RC3H1: variants seen among roughly 807,000 people sequenced by gnomAD.
RC3H1 encodes the protein ring finger and CCCH-type domains 1, also known as roquin-1.
A neutral mutation model predicts 138.2 loss-of-function variants in RC3H1; 50 were observed. The observed-to-expected ratio is 0.36, with a 90% CI of 0.29 to 0.46. The LOEUF is 0.46. Among genes scored for constraint, RC3H1 ranks in the 20% least tolerant of loss-of-function variants. The pLI is 1.00. For synonymous variants in RC3H1, 462 were observed against 489.1 expected, an observed-to-expected ratio of 0.94 and a Z score of 0.73; for missense variants, 1,031 against 1,388.1, an observed-to-expected ratio of 0.74 and a Z score of 4.09.
chr1:173,998,959 T>C (rs187001719), intron 1 of RC3H1, among the ~76,000 whole-genome samples: 1 of 151,862 alleles, frequency 6.6e-6, no homozygotes, highest in Non-Finnish European at 1.5e-5. Context: ...CAGAGTGTGG[T>C]GGCACGTACT....
chr1:173,946,560 T>C lies in RC3H1; in HGVS notation c.2877A>G (p.Pro959=). 6.2e-7 allele frequency: 1 copy of C among 1,614,122 alleles called. No individual in the cohort carries two copies. The highest frequency in any genetic ancestry group is 8.5e-7 in the Non-Finnish European group (1 of 1,179,968). ...GTCGTAGCTGTTCTCTCTCAGCAGA[T>C]GGAAGGGGTTTTCCATGACTGGCCA... The part of the protein sequence containing the change: ...SEVASHGKPL[P]SAEREQLRLE... Residue 959 remains proline (P), a synonymous_variant, in exon 17 of 20, where the codon CCA becomes CCG. Transcript: ENST00000367696.
chr1:174,016,536 G>T (rs886914899), intron 1 of RC3H1, among the ~76,000 whole-genome samples: 1 of 148,844 alleles, frequency 6.7e-6, no homozygotes, highest in Non-Finnish European at 1.5e-5. Flanking sequence ...TAGGATTACA[G>T]GCTTGAGCCA....
intron 13 of RC3H1, among the ~76,000 whole-genome samples, chr1:173,954,942 T>G (rs1409304313): frequency 6.6e-6 from 1 of 152,080 alleles, no homozygotes; most frequent in South Asian, 2.1e-4. Flanking sequence ...AACCACAATC[T>G]TAGGCTGGGT....
chr1:173,980,724 AG>A (rs1660778887), intron 6 of RC3H1, 84 bp downstream of exon 6: 1 of 935,206 alleles, frequency 1.1e-6, no homozygotes, highest in Non-Finnish European at 1.6e-6. Flanking sequence ...AAAGCTATAC[AG>A]TATTCACTTT....
intron 1 of RC3H1, among the ~76,000 whole-genome samples, chr1:173,999,943 G>T (rs1358339635): frequency 6.6e-6 from 1 of 152,164 alleles, no homozygotes; most frequent in Non-Finnish European, 1.5e-5. Flanking sequence ...AAACTCCCAG[G>T]CTGGTACTTT....
In RC3H1 at chr1:173,952,003, C is replaced by T; in HGVS notation, c.2506G>A (p.Gly836Arg). The T allele has an allele frequency of 6.2e-7, 1 of 1,608,730 alleles. No individual in the cohort carries two copies. Among genetic ancestry groups the T allele is most frequent in the East Asian group, 2.2e-5 (1 of 44,764 alleles). The stretch of plus-strand genomic sequence containing the variant: ...ACACATACCATCATTTCCACACTCC[C>T]TGCTGCCACAACATCTTTGGGTTTT... ...DAKPKDVVAA[G>R]SVEMMNVESK... Residue 836 changes from glycine to arginine, a missense_variant, in exon 14 of 20, where the codon GGG becomes AGG. Gly to Arg is a moderately radical substitution (Grantham distance 125, BLOSUM62 -2). Coordinates refer to ENST00000367696, the MANE Select transcript of RC3H1 (RefSeq NM_172071.4).
intron 2 of RC3H1, among the ~76,000 whole-genome samples, chr1:173,988,285 T>C (rs918251744): frequency 6.6e-6 from 1 of 152,260 alleles, no homozygotes; most frequent in Non-Finnish European, 1.5e-5. Context: ...ATTGTTGCTA[T>C]GGTTTTACCT....
chr1:173,932,794 A>G lies in RC3H1; in HGVS notation c.*5927T>C, dbSNP rs1227275200. On this transcript the variant is annotated 3_prime_UTR_variant, in exon 20 of 20. Coordinates refer to ENST00000367696, the MANE Select transcript of RC3H1 (RefSeq NM_172071.4). ...GATTACACAAATAAATGGTGATTAA[A>G]AAAAGGCAAATAATAATAATAATAA... is the stretch of plus-strand genomic sequence containing the variant. 3 of 152,094 alleles carry G rather than the reference A, an allele frequency of 2.0e-5. No individual in the cohort carries two copies. Among genetic ancestry groups the G allele is most frequent in the Non-Finnish European group, 4.4e-5 (3 of 67,974 alleles). The allele number at this position is 152,094 out of a possible 1,614,324, so 9.4% of individuals were successfully genotyped here. A position where few individuals can be genotyped will look rare whatever the true frequency, so the allele number is the denominator to read the frequency against.
chr1:173,931,916 T>C lies in RC3H1; in HGVS notation c.*6805A>G, dbSNP rs1448982139. On this transcript the variant is annotated 3_prime_UTR_variant, in exon 20 of 20. Coordinates refer to ENST00000367696, the MANE Select transcript of RC3H1 (RefSeq NM_172071.4). ...CACTTTAAGGCTCAATTTTTTTTTTTCCTGAACAGGGGGGTGGAGGCAGGC... is the reference window on the plus strand; with the variant it reads ...CACTTTAAGGCTCAATTTTTTTTTTCCCTGAACAGGGGGGTGGAGGCAGGC... The C allele has an allele frequency of 1.3e-5, 2 of 152,030 alleles. No individual in the cohort carries two copies. Among genetic ancestry groups the C allele is most frequent in the African/African-American group, 2.4e-5 (1 of 41,406 alleles). 9.4% of individuals were successfully genotyped at this position (152,030 alleles called of 1,614,324 possible).
At chr1:173,947,310 G>T in intron 15 of RC3H1, 59 bp downstream of exon 15, 1 of 1,131,764 alleles carries the variant, frequency 8.8e-7, no homozygotes. Context: ...GAGAGCAGGG[G>T]TAATGCTGAA....
chr1:173,964,269 A>G (rs1660005261), intron 10 of RC3H1, 82 bp from the exon 11 acceptor site: 1 of 1,191,036 alleles, frequency 8.4e-7, no homozygotes, highest in East Asian at 2.5e-5. Context: ...GATTGCTACA[A>G]TTTGGGAAAC....
In RC3H1 at chr1:173,996,695, TA is replaced by T. The variant is rs1267084032; in HGVS notation, c.-150-3561del. Among the ~76,000 whole-genome samples the T allele has an allele frequency of 2.0e-5, 3 of 152,212 alleles. No individual in the cohort carries two copies. The East Asian group carries it at 5.8e-4, about 29-fold the overall frequency. ...CCTACGTCCGGGCATAAAGACTCAC[TA>T]TATGTGCACCACTGGGACCCCTCCT... On this transcript the variant is annotated intron_variant, in intron 1 of 19. Transcript: ENST00000367696.
At chr1:173,939,985 T>C (rs568914131) in intron 19 of RC3H1, among the ~76,000 whole-genome samples, 3 of 152,210 alleles carry the variant, frequency 2.0e-5, no homozygotes, top group South Asian at 4.1e-4. Context: ...CCTTAGAAAA[T>C]AATTTAAGAT....
At chr1:173,964,816 T>C in intron 10 of RC3H1, 23 bp downstream of exon 10, 1 of 1,577,616 alleles carries the variant, frequency 6.3e-7, no homozygotes, top group Non-Finnish European at 8.6e-7. Context: ...AATTTTGAAA[T>C]AAGAGTTAGA....
intron 1 of RC3H1, among the ~76,000 whole-genome samples, chr1:173,995,661 G>T (rs1181808092): frequency 6.6e-6 from 1 of 152,138 alleles, no homozygotes; most frequent in African/African-American, 2.4e-5. Flanking sequence ...GGGGCAGGAG[G>T]TGACTCACTT....
In RC3H1 at chr1:173,993,412, CTTTTT is replaced by C. The variant is rs35670849; in HGVS notation, c.-150-282_-150-278del. Among the ~76,000 whole-genome samples the C allele has an allele frequency of 8.2e-3, 1,178 of 143,562 alleles. 13 individuals carry two copies. Among genetic ancestry groups the C allele is most frequent in the African/African-American group, 0.029 (1,127 of 39,236 alleles). 94.2% of individuals were successfully genotyped at this position (143,562 alleles called of 152,430 possible). Reference sequence around the variant, plus strand: ...CCTAGTCTCTTAAGTTTATCTAAGTCTTTTTTTTTTTTTTGAGACGGAATTTCGCT... The same window carrying C: ...CCTAGTCTCTTAAGTTTATCTAAGTCTTTTTTTTTGAGACGGAATTTCGCT... On this transcript the variant is annotated intron_variant, in intron 1 of 19. Transcript: ENST00000367696.
In RC3H1 at chr1:173,933,018, CAGT is replaced by C. The variant is rs916896328; in HGVS notation, c.*5700_*5702del. The C allele has an allele frequency of 1.3e-5, 2 of 151,736 alleles. No individual in the cohort carries two copies. Among genetic ancestry groups the C allele is most frequent in the African/African-American group, 4.8e-5 (2 of 41,312 alleles). The allele number at this position is 151,736 out of a possible 1,614,324, so 9.4% of individuals were successfully genotyped here. ...AACAGAAACAAAAACAAATCTGAAA[CAGT>C]AAGACCTCAATACAAGAAAACAAGT... On this transcript the variant is annotated 3_prime_UTR_variant, in exon 20 of 20. Coordinates refer to ENST00000367696, the MANE Select transcript of RC3H1 (RefSeq NM_172071.4).
rs1276082076 is a variant in RC3H1, at chr1:173,972,579, A to G, written c.1151T>C (p.Val384Ala). 6.2e-7 allele frequency: 1 copy of G among 1,614,054 alleles called. No individual in the cohort carries two copies. Among genetic ancestry groups the G allele is most frequent in the South Asian group, 1.1e-5 (1 of 91,072 alleles). ...AACCAGCCCATGTACCACTGTACGC[A>G]CAGCAACCAGCCCATTTTCCAGCTG... The part of the protein sequence containing the change: ...WEQLENGLVA[V>A]RTVVHGLVDY... Residue 384 changes from valine to alanine, a missense_variant, in exon 8 of 20, where the codon GTG becomes GCG. By Grantham distance (64) the Val-to-Ala change is moderately conservative. This residue lies in a region of RC3H1 where 142 missense variants were observed against 224.6 expected (regional missense o/e 0.63). Coordinates refer to ENST00000367696, the MANE Select transcript of RC3H1 (RefSeq NM_172071.4).
chr1:173,978,892 T>C (rs1041790301), intron 6 of RC3H1, among the ~76,000 whole-genome samples: 1 of 152,206 alleles, frequency 6.6e-6, no homozygotes, highest in Non-Finnish European at 1.5e-5. Context: ...CAATTAGATA[T>C]ACTGATGAGT....
Sources: allele counts gnomAD v4.1 joint callset (sites outside exome capture counted in the v4.1 genomes callset), GRCh38; gene constraint gnomAD v4.1.1; regional missense constraint gnomAD v4.1.1; transcripts MANE v1.5; gene names NCBI Gene and HGNC (gene_info 2026-07-23, HGNC 2026-07-21).